Variants in RBFOX1 observed in about 807,000 individuals in gnomAD.
The protein encoded by RBFOX1 is RNA binding protein fox-1 homolog 1.
Under a neutral mutation model 57.7 loss-of-function variants are expected in RBFOX1, and 8 were observed. The ratio of observed to expected loss-of-function variants is 0.14; its 90% CI spans 0.08 to 0.25. RBFOX1 has a LOEUF of 0.25. Ranked by LOEUF, RBFOX1 falls within the 10% of genes least tolerant of loss-of-function variation. The pLI is 1.00. For missense variants in RBFOX1, 611 were observed against 548.5 expected (o/e 1.11, Z -1.14); for synonymous variants, 326 against 222.4 (o/e 1.47, Z -4.15).
chr16:7,479,174 A>G (rs2063367461), intron 4 of RBFOX1, among the ~76,000 whole-genome samples: 6 of 149,704 alleles, frequency 4.0e-5, no homozygotes, highest in Admixed American at 4.0e-4. Flanking sequence ...CCTAGGCTGG[A>G]GCGCAGTGGT....
At chr16:6,185,270 GA>G (rs1315155359) in intron 1 of RBFOX1, among the ~76,000 whole-genome samples, 1 of 152,060 alleles carries the variant, frequency 6.6e-6, no homozygotes, top group African/African-American at 2.4e-5. Context: ...ACAAAACTCT[GA>G]AATAAAACTT....
chr16:7,354,405 C>A (rs139443132), intron 4 of RBFOX1, among the ~76,000 whole-genome samples: 39 of 152,264 alleles, frequency 2.6e-4, no homozygotes, highest in African/African-American at 8.7e-4. Flanking sequence ...TATTCAAGGC[C>A]TGTTTTCCCT....
chr16:6,997,692 A>G (rs916694069), intron 3 of RBFOX1, among the ~76,000 whole-genome samples: 5 of 152,192 alleles, frequency 3.3e-5, no homozygotes, highest in African/African-American at 1.2e-4. Flanking sequence ...GAACAGAAGA[A>G]AACTTTTGGT....
At chr16:6,855,409 T>C (rs1381133385) in intron 3 of RBFOX1, among the ~76,000 whole-genome samples, 1 of 151,946 alleles carries the variant, frequency 6.6e-6, no homozygotes, top group Non-Finnish European at 1.5e-5. Context: ...CCCAGCACTT[T>C]GGGAGGGTGA....
chr16:7,330,547 G>T (rs1012924774), intron 4 of RBFOX1, among the ~76,000 whole-genome samples: 2 of 149,838 alleles, frequency 1.3e-5, no homozygotes, highest in African/African-American at 4.9e-5. Flanking sequence ...GAGAGAGAGA[G>T]AAAGTTACAT....
At chr16:6,350,729 T>G (rs1246283545) in intron 2 of RBFOX1, among the ~76,000 whole-genome samples, 3 of 152,148 alleles carry the variant, frequency 2.0e-5, no homozygotes, top group Admixed American at 2.0e-4. Flanking sequence ...TATTTAAGCC[T>G]CATTAACAAC....
At chr16:5,257,911 C>G (rs2062630227) in intron 1 of RBFOX1, among the ~76,000 whole-genome samples, 1 of 152,156 alleles carries the variant, frequency 6.6e-6, no homozygotes, top group Non-Finnish European at 1.5e-5. Context: ...CAGGGTCTAA[C>G]TCTGTCACCC....
intron 2 of RBFOX1, among the ~76,000 whole-genome samples, chr16:6,468,066 G>T (rs1222713362): frequency 6.6e-6 from 1 of 152,118 alleles, no homozygotes; most frequent in Non-Finnish European, 1.5e-5. Flanking sequence ...GGATGGTTTG[G>T]GGGAATACGG....
At chr16:5,941,143 A>G (rs533151967) in intron 4 of RBFOX1, among the ~76,000 whole-genome samples, 2 of 152,320 alleles carry the variant, frequency 1.3e-5, no homozygotes, top group Admixed American at 1.3e-4. Flanking sequence ...AAGCGTTCAA[A>G]TAAGACTTTC....
At chr16:6,584,080 A>C (rs1460081187) in intron 2 of RBFOX1, among the ~76,000 whole-genome samples, 2 of 151,816 alleles carry the variant, frequency 1.3e-5, no homozygotes, top group African/African-American at 4.8e-5. Flanking sequence ...AACTGCAAAT[A>C]CTGAAAGACC....
At chr16:5,705,586 C>G (rs1438270725) in intron 3 of RBFOX1, among the ~76,000 whole-genome samples, 4 of 152,206 alleles carry the variant, frequency 2.6e-5, no homozygotes, top group Non-Finnish European at 5.9e-5. Context: ...GGACTAACAG[C>G]AAACTAAGAA....
intron 4 of RBFOX1, chr16:7,510,345 A>C: frequency 1.0e-6 from 1 of 985,088 alleles, no homozygotes; most frequent in Non-Finnish European, 1.2e-6. Flanking sequence ...TTAATCTTTC[A>C]CTCAAAATTG....
chr16:7,270,710 A>G (rs537476725), intron 4 of RBFOX1, among the ~76,000 whole-genome samples: 3 of 152,226 alleles, frequency 2.0e-5, no homozygotes, highest in African/African-American at 2.4e-5. Flanking sequence ...AACATTCACT[A>G]CTGTTTCTTT....
chr16:6,686,699 G>C (rs550378182), intron 3 of RBFOX1, among the ~76,000 whole-genome samples: 1 of 152,192 alleles, frequency 6.6e-6, no homozygotes, highest in East Asian at 1.9e-4. Flanking sequence ...CTAAGGGAAC[G>C]CAATTGTGAG....
chr16:5,501,492 G>T (rs2151698820), intron 2 of RBFOX1, among the ~76,000 whole-genome samples: 1 of 152,220 alleles, frequency 6.6e-6, no homozygotes, highest in Admixed American at 6.5e-5. Flanking sequence ...AATCCTGGGG[G>T]AAGAGGGTTT....
intron 2 of RBFOX1, among the ~76,000 whole-genome samples, chr16:5,486,785 C>G (rs1229546738): frequency 1.3e-5 from 2 of 151,046 alleles, no homozygotes; most frequent in African/African-American, 4.9e-5. Flanking sequence ...TGATAAAACT[C>G]AGTGTTTTTT....
Position 6,959,809 on chromosome 16 carries a change from C to T in RBFOX1, c.-15-92248C>T, listed in dbSNP as rs372878951. On this transcript the variant is annotated intron_variant, in intron 3 of 15. Coordinates refer to ENST00000550418, the MANE Select transcript of RBFOX1 (RefSeq NM_018723.4). Reference sequence around the variant, plus strand: ...AAAATTAGCCGGGTGTGTTGGCAGGCACCTGTAATTCCAGCTACTCGGGAG... The same window carrying T: ...AAAATTAGCCGGGTGTGTTGGCAGGTACCTGTAATTCCAGCTACTCGGGAG... Among the ~76,000 whole-genome samples, 77 of 152,214 alleles carry T rather than the reference C, an allele frequency of 5.1e-4. 2 individuals are homozygous for T. In the South Asian group the frequency reaches 0.016, roughly 31 times the overall value.
At chr16:6,870,404 G>C (rs1198023898) in intron 3 of RBFOX1, among the ~76,000 whole-genome samples, 1 of 152,142 alleles carries the variant, frequency 6.6e-6, no homozygotes, top group African/African-American at 2.4e-5. Flanking sequence ...GATTGTTTCA[G>C]CAAGTCTTAC....
At chr16:7,526,616 A>C (rs1428281006) in intron 5 of RBFOX1, among the ~76,000 whole-genome samples, 1 of 152,236 alleles carries the variant, frequency 6.6e-6, no homozygotes, top group Non-Finnish European at 1.5e-5. Context: ...AAGTTTGGCA[A>C]AATAATTGAA....
Sources: gnomAD v4.1 joint callset for allele counts (sites outside exome capture counted in the v4.1 genomes callset) on GRCh38, gnomAD v4.1.1 for gene constraint, MANE v1.5 for transcripts, NCBI Gene and HGNC (gene_info 2026-07-23, HGNC 2026-07-21) for gene names.